MYOM1: variants seen among roughly 807,000 people sequenced by gnomAD.
MYOM1 encodes myomesin 1.
MYOM1 carries 164 observed loss-of-function variants against 205.3 expected under a neutral mutation model. The observed-to-expected ratio is 0.80, with a 90% CI of 0.70 to 0.91. MYOM1 has a LOEUF of 0.91. Ranked by LOEUF, MYOM1 falls within the 40% of genes least tolerant of loss-of-function variation. The pLI is 0.00. For synonymous variants in MYOM1, 772 were observed against 789.4 expected, an observed-to-expected ratio of 0.98 and a Z score of 0.37; for missense variants, 2,011 against 2,127.3, an observed-to-expected ratio of 0.95 and a Z score of 1.08.
chr18:3,087,515 A>G, intron 29 of MYOM1, among the ~76,000 whole-genome samples: 1 of 142,116 alleles, frequency 7.0e-6, no homozygotes, highest in African/African-American at 2.7e-5. Flanking sequence ...TTTGAGACAG[A>G]GTCTCACTCT....
chr18:3,084,187 T>C (rs372425284), intron 31 of MYOM1, among the ~76,000 whole-genome samples, 160 bp from the exon 32 acceptor site: 13 of 152,196 alleles, frequency 8.5e-5, no homozygotes, highest in African/African-American at 2.9e-4. Flanking sequence ...TTTGAGGAAA[T>C]AGTTCAATTT....
intron 10 of MYOM1, among the ~76,000 whole-genome samples, chr18:3,160,352 T>C (rs1010639718): frequency 3.3e-5 from 5 of 152,098 alleles, no homozygotes; most frequent in South Asian, 2.1e-4. Flanking sequence ...ACCCAGCTAA[T>C]TGTTTTCAGT....
intron 5 of MYOM1, among the ~76,000 whole-genome samples, chr18:3,177,445 C>CATTATTATTATT (rs138933689): frequency 0.021 from 2,871 of 139,232 alleles, 51 homozygotes; most frequent in East Asian, 0.087. Flanking sequence ...GAAGCAATAT[C>CATTATTATTATT]ATTATTATTA....
At chr18:3,150,979 C>CTTTTTTTTTTTTTTTTTTTTCTTTT (rs2080210666) in intron 12 of MYOM1, among the ~76,000 whole-genome samples, 1 of 55,924 alleles carries the variant, frequency 1.8e-5, no homozygotes, top group African/African-American at 7.2e-5. Flanking sequence ...CCATGCCTGG[C>CTTTTTTTTTTTTTTTTTTTTCTTTT]TTTTTTTTTT....
the MYOM1 span, among the ~76,000 whole-genome samples, chr18:3,233,418 T>C: frequency 6.6e-6 from 1 of 152,326 alleles, no homozygotes; most frequent in East Asian, 1.9e-4. Flanking sequence ...ACAGAGTAAG[T>C]TACTCTTGGG....
intron 2 of MYOM1, among the ~76,000 whole-genome samples, chr18:3,203,612 CAAGTA>C (rs1230738243): frequency 6.6e-6 from 1 of 151,764 alleles, no homozygotes; most frequent in African/African-American, 2.4e-5. Context: ...AGATCAATAA[CAAGTA>C]AAGAACTCGA....
intron 20 of MYOM1, among the ~76,000 whole-genome samples, chr18:3,119,526 C>T (rs1216470952): frequency 1.3e-5 from 2 of 152,090 alleles, no homozygotes; most frequent in East Asian, 3.9e-4. Flanking sequence ...ATTGGATAAC[C>T]TTTAAGTGGC....
intron 9 of MYOM1, among the ~76,000 whole-genome samples, chr18:3,166,690 AAT>A (rs1489140679): frequency 2.0e-5 from 3 of 152,294 alleles, no homozygotes; most frequent in East Asian, 3.9e-4. Context: ...TTGAATAATA[AAT>A]AGTCATACAA....
In MYOM1 at chr18:3,209,023, T is replaced by C. The variant is rs1014463999; in HGVS notation, c.290+5911A>G. ...AGATTCAGTCACTTCAGTCTCCAGA[T>C]GGATTTGAGTCTCCATACAACTATG... On this transcript the variant is annotated intron_variant, in intron 2 of 37. Transcript: ENST00000356443. This position sits in a 1 kb window ranked among gnomAD's most constrained non-coding sequence, Gnocchi z 4.0. Among the ~76,000 whole-genome samples, 1 of 152,220 alleles carries C rather than the reference T, an allele frequency of 6.6e-6. No homozygotes were observed. The highest frequency in any genetic ancestry group is 1.5e-5 in the Non-Finnish European group (1 of 68,034).
chr18:3,223,354 C>G (rs1156264778), upstream of MYOM1, among the ~76,000 whole-genome samples: 1 of 152,118 alleles, frequency 6.6e-6, no homozygotes, highest in Admixed American at 6.6e-5. Context: ...TTCTTCAATG[C>G]GGATGTTTTC....
At chr18:3,131,898 G>A (rs1006604166) in intron 16 of MYOM1, among the ~76,000 whole-genome samples, 2 of 151,592 alleles carry the variant, frequency 1.3e-5, no homozygotes, top group African/African-American at 4.8e-5. Flanking sequence ...GTAAAATAGG[G>A]ATAATGATGC....
intron 34 of MYOM1, 126 bp from the exon 35 acceptor site, chr18:3,075,887 G>C: frequency 1.2e-6 from 1 of 812,656 alleles, no homozygotes; most frequent in Admixed American, 2.0e-5. Flanking sequence ...CTTTGATTAA[G>C]ACTGTGCTTA....
chr18:3,175,943 C>A, intron 6 of MYOM1, 99 bp downstream of exon 6: 2 of 740,502 alleles, frequency 2.7e-6, no homozygotes, highest in Admixed American at 2.1e-5. Flanking sequence ...TGTGATCACA[C>A]AGCATTGGGA....
In MYOM1 at chr18:3,186,181, G is replaced by A. The variant is rs937946798; in HGVS notation, c.929+1299C>T. Among the ~76,000 whole-genome samples the A allele has an allele frequency of 2.6e-5, 4 of 151,980 alleles. No homozygotes were observed. In the East Asian group the frequency reaches 5.8e-4, roughly 22 times the overall value. On this transcript the variant is annotated intron_variant, in intron 5 of 37. Transcript: ENST00000356443. ...ACTGCATTCCAGCCTGGGTGACAAGGCGGGACTCTGTCTCAAAAAAGGAAA... is the reference window on the plus strand; with the variant it reads ...ACTGCATTCCAGCCTGGGTGACAAGACGGGACTCTGTCTCAAAAAAGGAAA...
At chr18:3,206,555 G>A (rs1218336489) in intron 2 of MYOM1, among the ~76,000 whole-genome samples, 4 of 152,028 alleles carry the variant, frequency 2.6e-5, no homozygotes, top group Non-Finnish European at 4.4e-5. Context: ...TTTCCTCTTC[G>A]CAAAACCTGA....
chr18:3,122,186 T>TG (rs1211603012), intron 19 of MYOM1, among the ~76,000 whole-genome samples: 4 of 151,974 alleles, frequency 2.6e-5, no homozygotes, highest in Admixed American at 6.5e-5. Flanking sequence ...ATTAGTTTTT[T>TG]TTTTTTTTTA....
At chr18:3,181,744 T>TC (rs1441719952) in intron 5 of MYOM1, among the ~76,000 whole-genome samples, 1 of 150,252 alleles carries the variant, frequency 6.7e-6, no homozygotes, top group Non-Finnish European at 1.5e-5. Context: ...TTTTTTTTTT[T>TC]TTTTTTTTGA....
upstream of MYOM1, among the ~76,000 whole-genome samples, chr18:3,222,767 G>A (rs949820695): frequency 1.3e-5 from 2 of 152,150 alleles, no homozygotes; most frequent in African/African-American, 2.4e-5. Flanking sequence ...AAATGGTTGA[G>A]AGGCAGCATA....
In MYOM1 at chr18:3,139,577, A is replaced by C. The variant is rs544746068; in HGVS notation, c.2025+2362T>G. Among the ~76,000 whole-genome samples, 30 of 152,356 alleles carry C rather than the reference A, an allele frequency of 2.0e-4. 1 individual carries two copies. Among genetic ancestry groups the C allele is most frequent in the Non-Finnish European group, 3.7e-4 (25 of 68,032 alleles). Reference sequence around the variant, plus strand: ...CAGACCTTTTCCCTTTAGAAAGGTTAGCATATCAGAACAGCTACATCAGAA... The same window carrying C: ...CAGACCTTTTCCCTTTAGAAAGGTTCGCATATCAGAACAGCTACATCAGAA... On this transcript the variant is annotated intron_variant, in intron 14 of 37. Coordinates refer to ENST00000356443, the MANE Select transcript of MYOM1 (RefSeq NM_003803.4).
Sources: allele counts gnomAD v4.1 joint callset (sites outside exome capture counted in the v4.1 genomes callset), GRCh38; gene constraint gnomAD v4.1.1; non-coding constraint Gnocchi (gnomAD v3.1); transcripts MANE v1.5; gene names NCBI Gene and HGNC (gene_info 2026-07-23, HGNC 2026-07-21).